TCF20: variants seen among roughly 807,000 people sequenced by gnomAD.
The protein encoded by TCF20 is SPRE-binding protein.
Under a neutral mutation model 148.6 loss-of-function variants are expected in TCF20, and 3 were observed. That is an observed-to-expected ratio of 0.02 (90% confidence interval 0.01 to 0.05). TCF20 has a LOEUF of 0.05. Among genes scored for constraint, TCF20 ranks in the 10% least tolerant of loss-of-function variants. TCF20 has a pLI of 1.00. For synonymous variants in TCF20, 1,049 were observed against 909.5 expected, an observed-to-expected ratio of 1.15 and a Z score of -2.76; for missense variants, 2,350 against 2,429.3, an observed-to-expected ratio of 0.97 and a Z score of 0.69.
In TCF20 at chr22:42,299,984, G is replaced by A. The variant is rs1927305815; in HGVS notation, c.-37+43495C>T. Among the ~76,000 whole-genome samples the A allele has an allele frequency of 6.6e-6, 1 of 150,750 alleles. No homozygotes were observed. The highest frequency in any genetic ancestry group is 2.1e-4 in the South Asian group (1 of 4,732). ...GGCGGGGAGGGGGAGGGGGAGGGGC[G>A]CGCTGAAATCACCCGCAACATCAAA... On this transcript the variant is annotated intron_variant, in intron 1 of 1. Coordinates refer to the TCF20 transcript ENST00000515426. The surrounding 1 kb of genome is among the most constrained non-coding windows in gnomAD (Gnocchi z 4.1).
intron 1 of TCF20, among the ~76,000 whole-genome samples, chr22:42,236,444 G>A (rs1429671272): frequency 2.0e-5 from 3 of 152,116 alleles, no homozygotes; most frequent in Non-Finnish European, 4.4e-5. Context: ...TGCCGACGGA[G>A]CGCATTCTTA....
upstream of TCF20, among the ~76,000 whole-genome samples, chr22:42,270,785 T>G (rs1488417244): frequency 1.4e-5 from 2 of 144,544 alleles, no homozygotes; most frequent in Admixed American, 1.4e-4. Context: ...GGCGCGCGCG[T>G]GCCCACCCGC....
chr22:42,298,157 C>T (rs1371162453), intron 1 of TCF20, among the ~76,000 whole-genome samples: 1 of 152,232 alleles, frequency 6.6e-6, no homozygotes, highest in Non-Finnish European at 1.5e-5. Context: ...GTGCTCCTAT[C>T]ACCAGATTCC....
intron 1 of TCF20, among the ~76,000 whole-genome samples, chr22:42,327,080 C>T (rs541892095): frequency 5.3e-5 from 8 of 152,176 alleles, no homozygotes; most frequent in South Asian, 2.1e-4. Flanking sequence ...CTAACCCTCG[C>T]GGCAACGATG....
chr22:42,259,265 A>C (rs893598951), intron 1 of TCF20, among the ~76,000 whole-genome samples: 4 of 152,136 alleles, frequency 2.6e-5, no homozygotes, highest in African/African-American at 9.7e-5. Flanking sequence ...CAAGAATAAC[A>C]TAACTCCCTG....
In TCF20 at chr22:42,168,630, T is replaced by G. The variant is rs753707127; in HGVS notation, c.*23A>C. ...TCACCTGTGCTTGCTGTCCTTTCCATTCCCACGAGCACACTGCCCCCCTCA... is the reference window on the plus strand; with the variant it reads ...TCACCTGTGCTTGCTGTCCTTTCCAGTCCCACGAGCACACTGCCCCCCTCA... On this transcript the variant is annotated 3_prime_UTR_variant, in exon 5 of 6. Coordinates refer to ENST00000677622, the MANE Select transcript of TCF20 (RefSeq NM_001378418.1). The G allele has an allele frequency of 5.7e-6, 9 of 1,588,194 alleles. No homozygotes were observed. The highest frequency in any genetic ancestry group is 7.7e-6 in the Non-Finnish European group (9 of 1,167,226).
At chr22:42,221,889 C>A (rs1297623398) in intron 1 of TCF20, among the ~76,000 whole-genome samples, 1 of 152,010 alleles carries the variant, frequency 6.6e-6, no homozygotes, top group Non-Finnish European at 1.5e-5. Flanking sequence ...CAGGCGCCCA[C>A]CACCGTGCCT....
chr22:42,302,753 C>A (rs1367867880), intron 1 of TCF20, among the ~76,000 whole-genome samples: 2 of 152,212 alleles, frequency 1.3e-5, no homozygotes, highest in Admixed American at 6.5e-5. Flanking sequence ...AATCACAGAC[C>A]ACCCAGCACC....
intron 5 of TCF20, among the ~76,000 whole-genome samples, chr22:42,166,355 C>G (rs1409555855): frequency 6.6e-6 from 1 of 152,226 alleles, no homozygotes; most frequent in Non-Finnish European, 1.5e-5. Context: ...CGCCTGTAAT[C>G]CCGGCACTTT....
At chr22:42,324,315 G>A (rs1927829651) in intron 1 of TCF20, among the ~76,000 whole-genome samples, 1 of 151,956 alleles carries the variant, frequency 6.6e-6, no homozygotes, top group Admixed American at 6.6e-5. Context: ...AAACCAGTGA[G>A]GGTAAAAGGT....
At chr22:42,300,861 T>A (rs1220488574) in intron 1 of TCF20, among the ~76,000 whole-genome samples, 1 of 151,730 alleles carries the variant, frequency 6.6e-6, no homozygotes, top group Non-Finnish European at 1.5e-5. Flanking sequence ...CAGCTTCCCC[T>A]CCCCCGAGCC....
At chr22:42,189,873 G>A (rs897590630) in intron 2 of TCF20, among the ~76,000 whole-genome samples, 1 of 152,054 alleles carries the variant, frequency 6.6e-6, no homozygotes, top group African/African-American at 2.4e-5. Context: ...CTCAAATTTA[G>A]GCAGTCTAAA....
At chr22:42,340,713 C>A (rs796559496) in intron 1 of TCF20, among the ~76,000 whole-genome samples, 1 of 152,130 alleles carries the variant, frequency 6.6e-6, no homozygotes, top group Non-Finnish European at 1.5e-5. Context: ...GAGGGCCTAA[C>A]CCAAGGTCAC....
At chr22:42,197,979 A>T (rs952724851) in intron 2 of TCF20, among the ~76,000 whole-genome samples, 1 of 152,200 alleles carries the variant, frequency 6.6e-6, no homozygotes, top group Non-Finnish European at 1.5e-5. Context: ...ATCAAAAACC[A>T]TAACAATGTT....
rs563779529 is a variant in TCF20, at chr22:42,309,194, T to C, written c.-37+34285A>G. ...CCGGCAACCCCTGCGGGACAGTCAC[T>C]GGGCTTGTTTTCATGTTCTTCCCCA... is the stretch of plus-strand genomic sequence containing the variant. On this transcript the variant is annotated intron_variant, in intron 1 of 1. Coordinates refer to the TCF20 transcript ENST00000515426. Among the ~76,000 whole-genome samples, 9 of 152,178 alleles carry C rather than the reference T, an allele frequency of 5.9e-5. No homozygotes were observed. In the East Asian group the frequency reaches 1.7e-3, roughly 29 times the overall value.
intron 1 of TCF20, among the ~76,000 whole-genome samples, chr22:42,223,518 T>C (rs1922572011): frequency 6.6e-6 from 1 of 152,236 alleles, no homozygotes; most frequent in African/African-American, 2.4e-5. Flanking sequence ...CAAATGTTAA[T>C]GCATTTCATC....
At chr22:42,202,870 A>G (rs903117407) in intron 2 of TCF20, among the ~76,000 whole-genome samples, 7 of 152,138 alleles carry the variant, frequency 4.6e-5, no homozygotes, top group Admixed American at 1.3e-4. Flanking sequence ...CTAACCACAC[A>G]CCAGCTAAGG....
Position 42,212,661 on chromosome 22 carries a change from G to A in TCF20, c.2645C>T (p.Ala882Val), listed in dbSNP as rs778749289. The A allele has an allele frequency of 6.8e-5, 110 of 1,614,042 alleles. No homozygotes were observed. Among genetic ancestry groups the A allele is most frequent in the Non-Finnish European group, 8.4e-5 (99 of 1,180,030 alleles). Residue 882 changes from alanine (A) to valine (V), a missense_variant, in exon 2 of 6, where the codon GCT becomes GTT. Physicochemically the swap from Ala to Val is moderately conservative, Grantham distance 64 (BLOSUM62 0). This residue lies in a region of TCF20 where 1,641 missense variants were observed against 1,662.6 expected (regional missense o/e 0.99). Transcript: ENST00000677622. ...GGCACTCATGTGTCCCAGTGAGTGA[G>A]CCCCTGGGTCCCTGACAATCTGTCT... is the stretch of plus-strand genomic sequence containing the variant. ...PLRQIVRDPG[A>V]HSLGHMSADT...
chr22:42,162,769 AG>A (rs1427636953), intron 5 of TCF20, among the ~76,000 whole-genome samples: 1 of 152,186 alleles, frequency 6.6e-6, no homozygotes, highest in Non-Finnish European at 1.5e-5. Flanking sequence ...GCTTCCATAA[AG>A]TTCACACACG....
Sources: gnomAD v4.1 joint callset for allele counts (sites outside exome capture counted in the v4.1 genomes callset) on GRCh38, gnomAD v4.1.1 for gene constraint, gnomAD v4.1.1 regional missense constraint, Gnocchi (gnomAD v3.1) non-coding constraint, MANE v1.5 for transcripts, NCBI Gene and HGNC (gene_info 2026-07-23, HGNC 2026-07-21) for gene names.